MTDH: variants seen among roughly 807,000 people sequenced by gnomAD.
The protein encoded by MTDH is metadherin.
Under a neutral mutation model 72.7 loss-of-function variants are expected in MTDH, and 34 were observed. That is an observed-to-expected ratio of 0.47 (90% CI 0.36 to 0.62). The LOEUF (loss-of-function observed/expected upper bound fraction) is 0.62, where lower values mean the gene tolerates loss of function less well. Ranked by LOEUF, MTDH falls within the 20% of genes least tolerant of loss-of-function variation. The probability of loss-of-function intolerance (pLI) is 0.00; values close to 1 mark genes in which losing one functional copy is unlikely to be tolerated. For synonymous variants in MTDH, 266 were observed against 268.9 expected, an observed-to-expected ratio of 0.99 and a Z score of 0.10; for missense variants, 677 against 699.4, an observed-to-expected ratio of 0.97 and a Z score of 0.36.
At chr8:97,646,714 C>T (rs560209604) in intron 1 of MTDH, among the ~76,000 whole-genome samples, 27 of 152,298 alleles carry the variant, frequency 1.8e-4, no homozygotes, top group Admixed American at 1.8e-3. Context: ...AAAAGACTTA[C>T]CCCCTCATTT....
intron 6 of MTDH, among the ~76,000 whole-genome samples, chr8:97,698,178 A>G (rs1258387915): frequency 6.6e-6 from 1 of 152,228 alleles, no homozygotes; most frequent in Non-Finnish European, 1.5e-5. Context: ...TAACACTTTT[A>G]TACTAACCAA....
chr8:97,687,294 C>A (rs1246214103), intron 3 of MTDH, 135 bp from the exon 4 acceptor site: 3 of 625,328 alleles, frequency 4.8e-6, no homozygotes, highest in African/African-American at 1.9e-5. Context: ...TTAATATAAT[C>A]AACACTCTTG....
intron 2 of MTDH, among the ~76,000 whole-genome samples, chr8:97,664,355 CAAA>C (rs561426320): frequency 7.3e-6 from 1 of 137,188 alleles, no homozygotes; most frequent in Non-Finnish European, 1.6e-5. Flanking sequence ...GATTCCATCT[CAAA>C]AAAAAAAAAA....
intron 2 of MTDH, among the ~76,000 whole-genome samples, chr8:97,663,023 A>T (rs1347890907): frequency 6.6e-6 from 1 of 152,128 alleles, no homozygotes; most frequent in Non-Finnish European, 1.5e-5. Flanking sequence ...ACAAGTAAGC[A>T]TGTAACATAA....
At chr8:97,657,756 G>T (rs111454225) in intron 1 of MTDH, among the ~76,000 whole-genome samples, 76 of 152,152 alleles carry the variant, frequency 5.0e-4, no homozygotes, top group African/African-American at 1.7e-3. Context: ...TGATCCTCTT[G>T]CCTTGGCCTC....
At chr8:97,700,905 G>A (rs1814093482) in intron 7 of MTDH, among the ~76,000 whole-genome samples, 1 of 152,138 alleles carries the variant, frequency 6.6e-6, no homozygotes. Context: ...AGTGGTTAAA[G>A]CACAGTTCTT....
At chr8:97,722,402 C>T (rs571444673) in intron 10 of MTDH, among the ~76,000 whole-genome samples, 32 of 152,202 alleles carry the variant, frequency 2.1e-4, no homozygotes, top group Non-Finnish European at 4.0e-4. Flanking sequence ...GAGATCGAGA[C>T]CATCCTGGCT....
chr8:97,669,922 C>CAA (rs61250041), intron 2 of MTDH, among the ~76,000 whole-genome samples: 26,922 of 118,860 alleles, frequency 0.23, 3,214 homozygotes, highest in East Asian at 0.32. Context: ...GACTCCATCT[C>CAA]AAAAAAAAAA....
chr8:97,687,133 T>C (rs537735121), intron 3 of MTDH, among the ~76,000 whole-genome samples: 47 of 152,264 alleles, frequency 3.1e-4, no homozygotes, highest in African/African-American at 1.1e-3. Context: ...CTGTCACTTC[T>C]ACCTAGCAAG....
intron 2 of MTDH, among the ~76,000 whole-genome samples, chr8:97,669,172 G>A (rs149471173): frequency 7.2e-4 from 110 of 151,770 alleles, no homozygotes; most frequent in African/African-American, 2.6e-3. Flanking sequence ...TTTTTGAGAC[G>A]GAGTCTCGCT....
At chr8:97,677,502 AAAGAAAG>A (rs1208192789) in intron 2 of MTDH, among the ~76,000 whole-genome samples, 26 of 149,570 alleles carry the variant, frequency 1.7e-4, no homozygotes, top group African/African-American at 6.5e-4. Context: ...AAAAAAAAAA[AAAGAAAG>A]AAAGAAAGAA....
At chr8:97,661,242 T>C (rs1377223680) in intron 2 of MTDH, 69 bp downstream of exon 2, 1 of 1,184,828 alleles carries the variant, frequency 8.4e-7, no homozygotes, top group African/African-American at 1.5e-5. Flanking sequence ...ATAATGCTTT[T>C]CTGTTTCATA....
chr8:97,709,497 A>G (rs995245466), intron 8 of MTDH, among the ~76,000 whole-genome samples: 13 of 152,188 alleles, frequency 8.5e-5, no homozygotes, highest in Admixed American at 5.2e-4. Context: ...TTACATTTCT[A>G]AGCAAAAGTG....
intron 2 of MTDH, among the ~76,000 whole-genome samples, chr8:97,684,353 T>C (rs1813274214): frequency 6.6e-6 from 1 of 152,232 alleles, no homozygotes; most frequent in African/African-American, 2.4e-5. Flanking sequence ...TAGAAATTTT[T>C]AAAAATATAT....
chr8:97,718,215 G>A (rs570863713), intron 9 of MTDH, among the ~76,000 whole-genome samples: 13 of 152,010 alleles, frequency 8.6e-5, no homozygotes, highest in Admixed American at 2.0e-4. Context: ...GCTAATTTTT[G>A]TATTTTTATT....
intron 6 of MTDH, among the ~76,000 whole-genome samples, 178 bp downstream of exon 6, chr8:97,691,366 G>A (rs959961455): frequency 2.0e-5 from 3 of 152,094 alleles, no homozygotes; most frequent in Admixed American, 1.3e-4. Context: ...AATTAAATAA[G>A]TAAATAACAT....
rs774222968 is a variant in MTDH at position 97,724,672 on chromosome 8, A to AT, written c.*10dup. 12 of 1,589,836 alleles carry AT rather than the reference A, an allele frequency of 7.5e-6. No homozygotes were observed. Among genetic ancestry groups the AT allele is most frequent in the African/African-American group, 2.7e-5 (2 of 73,656 alleles). On this transcript the variant is annotated 3_prime_UTR_variant, in exon 12 of 12. Transcript: ENST00000336273. ...AAAAAAGCCAGACGAGAAACGTGAA[A>AT]TTTTTTTTCCTGAATTGGACATGTG...
intron 1 of MTDH, among the ~76,000 whole-genome samples, chr8:97,655,754 C>A (rs1353236250): frequency 4.6e-5 from 7 of 152,284 alleles, no homozygotes. Flanking sequence ...GAGTTCAAGA[C>A]CAGCCTGGGC....
intron 8 of MTDH, among the ~76,000 whole-genome samples, chr8:97,707,311 G>A (rs1195971065): frequency 1.3e-5 from 2 of 151,540 alleles, no homozygotes; most frequent in South Asian, 2.1e-4. Context: ...CACTATGCCC[G>A]GCTAATTTTT....
Sources: gnomAD v4.1 joint callset for allele counts (sites outside exome capture counted in the v4.1 genomes callset) on GRCh38, gnomAD v4.1.1 for gene constraint, MANE v1.5 for transcripts, NCBI Gene and HGNC (gene_info 2026-07-23, HGNC 2026-07-21) for gene names.